The following UNC45B variants were observed in gnomAD, a reference collection of about 807,000 sequenced individuals.
UNC45B encodes the protein protein unc-45 homolog B.
UNC45B carries 78 observed loss-of-function variants against 98.7 expected under a neutral mutation model. That is an observed-to-expected ratio of 0.79 (90% CI 0.66 to 0.95). The LOEUF (loss-of-function observed/expected upper bound fraction) is 0.95. Among genes scored for constraint, UNC45B ranks in the 40% least tolerant of loss-of-function variants. UNC45B has a pLI of 0.00. For missense variants in UNC45B, 1,225 were observed against 1,184.9 expected, an observed-to-expected ratio of 1.03 and a Z score of -0.50; for synonymous variants, 462 against 480.4, an observed-to-expected ratio of 0.96 and a Z score of 0.50.
intron 14 of UNC45B, among the ~76,000 whole-genome samples, chr17:35,175,057 A>G (rs2092219533): frequency 9.4e-6 from 1 of 106,470 alleles, no homozygotes; most frequent in African/African-American, 3.5e-5. Flanking sequence ...GAAAGAAAGG[A>G]AAGAAGAAAG....
chr17:35,165,318 G>A (rs1465905939), intron 9 of UNC45B, among the ~76,000 whole-genome samples: 1 of 152,218 alleles, frequency 6.6e-6, no homozygotes, highest in Non-Finnish European at 1.5e-5. Flanking sequence ...CAGTTCCTGA[G>A]TCTCCTCACT....
chr17:35,187,305 G>A lies in UNC45B; in HGVS notation c.*746G>A, dbSNP rs1045806717. On this transcript the variant is annotated 3_prime_UTR_variant, in exon 20 of 20. Coordinates refer to ENST00000394570, the MANE Select transcript of UNC45B (RefSeq NM_001267052.2). ...CCAGAGTTTCAAATGTCATCACCAT[G>A]GATGTGTCTTTTTCTCTCTCTCATT... 2 of 152,168 alleles carry A rather than the reference G, an allele frequency of 1.3e-5. No individual in the cohort carries two copies. Among genetic ancestry groups the A allele is most frequent in the Non-Finnish European group, 2.9e-5 (2 of 68,040 alleles). 9.4% of individuals were successfully genotyped at this position (152,168 alleles called of 1,614,324 possible).
Position 35,177,028 on chromosome 17 carries a change from C to T in UNC45B, c.2037C>T (p.Pro679=), listed in dbSNP as rs148001760. The T allele has an allele frequency of 6.8e-5, 110 of 1,613,856 alleles. No individual in the cohort carries two copies. The highest frequency in any genetic ancestry group is 8.8e-5 in the Non-Finnish European group (104 of 1,179,890). The change falls in exon 16 of 20, where the codon CCC becomes CCT. Residue 679 remains proline, a synonymous_variant. Coordinates refer to ENST00000394570, the MANE Select transcript of UNC45B (RefSeq NM_001267052.2). ...VAQGGGKALI[P]LALEGTDVGK... The stretch of plus-strand genomic sequence containing the variant: ...GCCCTTTCTTGCAGGCCCTGATTCC[C>T]CTGGCTTTGGAGGGCACAGATGTGG...
chr17:35,169,026 A>T (rs897798541), intron 10 of UNC45B, among the ~76,000 whole-genome samples: 22 of 150,274 alleles, frequency 1.5e-4, no homozygotes, highest in East Asian at 6.0e-4. Flanking sequence ...TATTATTATT[A>T]TTTTTTCAGA....
chr17:35,185,802 T>C (rs1171625488), intron 19 of UNC45B, among the ~76,000 whole-genome samples: 2 of 152,176 alleles, frequency 1.3e-5, no homozygotes, highest in African/African-American at 2.4e-5. Flanking sequence ...ATATGGTTGG[T>C]AGCGTGACCA....
chr17:35,169,704 G>C, intron 10 of UNC45B, 133 bp from the exon 11 acceptor site: 1 of 730,178 alleles, frequency 1.4e-6, no homozygotes. Context: ...TTTACAGTCT[G>C]CACAGAGGTG....
At position 35,169,875 on chromosome 17, in the gene UNC45B, C is replaced by T. The variant is rs200224203; in HGVS notation, c.1491C>T (p.Tyr497=). ...TCGGCTCTGCAGGTGGCACAGACTA[C>T]GGTCTCAGGCAGTTTGCGGAAGGGT... ...CKLGSAGGTD[Y]GLRQFAEGST... is the part of the protein sequence containing the mutation. Residue 497 remains tyrosine (Y), a synonymous_variant, in exon 11 of 20, where the codon TAC becomes TAT. Coordinates refer to ENST00000394570, the MANE Select transcript of UNC45B (RefSeq NM_001267052.2). The T allele has an allele frequency of 2.8e-5, 46 of 1,614,048 alleles. No homozygotes were observed. Among genetic ancestry groups the T allele is most frequent in the African/African-American group, 4.0e-5 (3 of 74,930 alleles).
chr17:35,156,955 G>C (rs1409100445), intron 7 of UNC45B, among the ~76,000 whole-genome samples: 1 of 151,900 alleles, frequency 6.6e-6, no homozygotes, highest in Admixed American at 6.6e-5. Context: ...TTTTACATTT[G>C]TTTCCTGCAT....
intron 18 of UNC45B, among the ~76,000 whole-genome samples, chr17:35,182,091 C>CT (rs199562451): frequency 0.045 from 6,472 of 144,624 alleles, 299 homozygotes; most frequent in East Asian, 0.19. Context: ...GGGTGGCTCA[C>CT]TTTTTTTTTT....
Position 35,148,307 on chromosome 17 carries a change from GGCATT to G in UNC45B, c.45_49del (p.His16ProfsTer11), listed in dbSNP as rs772483532. On this transcript the variant is annotated frameshift_variant, in exon 2 of 20. Transcript: ENST00000394570. LOFTEE classifies it high-confidence loss of function. ...GTACAGCTGAAGGAGGAAGGAAACC[GGCATT>G]TCCAGCTCCAGGACTACAAGGCCGC... The G allele has an allele frequency of 1.9e-6, 3 of 1,614,120 alleles. No individual in the cohort carries two copies. The highest frequency in any genetic ancestry group is 2.5e-6 in the Non-Finnish European group (3 of 1,180,004).
intron 17 of UNC45B, among the ~76,000 whole-genome samples, chr17:35,178,715 A>G (rs961799744): frequency 5.8e-4 from 88 of 152,296 alleles, no homozygotes; most frequent in Admixed American, 1.9e-3. Context: ...TAATTTTTGT[A>G]TAAGGTGTAA....
rs1368707240 is a variant in UNC45B, at chr17:35,188,235, G to A, written c.*1676G>A. The A allele has an allele frequency of 1.3e-5, 2 of 152,198 alleles. No homozygotes were observed. The highest frequency in any genetic ancestry group is 3.8e-4 in the East Asian group (2 of 5,202). 9.4% of individuals were successfully genotyped at this position (152,198 alleles called of 1,614,324 possible). ...TGATAGAGAATGACAACATTCAAAA[G>A]GGTGTGGTGCTTCTGAAAATATACA... On this transcript the variant is annotated 3_prime_UTR_variant, in exon 20 of 20. Coordinates refer to ENST00000394570, the MANE Select transcript of UNC45B (RefSeq NM_001267052.2).
chr17:35,172,076 C>T (rs1335138697), intron 13 of UNC45B, among the ~76,000 whole-genome samples: 2 of 152,162 alleles, frequency 1.3e-5, no homozygotes, highest in Non-Finnish European at 2.9e-5. Flanking sequence ...ATGATTACGT[C>T]ATCTCCACAT....
In UNC45B at chr17:35,159,487, T is replaced by C. The variant is rs2142545289; in HGVS notation, c.921T>C (p.Val307=). The C allele has an allele frequency of 1.9e-6, 3 of 1,614,100 alleles. No individual in the cohort carries two copies. The highest frequency in any genetic ancestry group is 3.3e-5 in the Admixed American group (2 of 60,014). The change falls in exon 8 of 20, where the codon GTT becomes GTC. Residue 307 remains valine, a synonymous_variant. Coordinates refer to ENST00000394570, the MANE Select transcript of UNC45B (RefSeq NM_001267052.2). ...DQALNLLNKN[V]PRKDLAIHDN... ...CGCTGAACCTGCTCAATAAGAATGT[T>C]CCCAGGAAGGACCTTGCCATTCATG...
Position 35,148,507 on chromosome 17 carries a change from G to A in UNC45B, c.168+76G>A. The A allele has an allele frequency of 3.3e-6, 5 of 1,504,278 alleles. 1 individual carries two copies. In the South Asian group the frequency reaches 6.4e-5, roughly 19 times the overall value. The allele number at this position is 1,504,278 out of a possible 1,614,324, so 93.2% of individuals were successfully genotyped here. A position where few individuals can be genotyped will look rare whatever the true frequency, so the allele number is the denominator to read the frequency against. On this transcript the variant is annotated intron_variant, in intron 2 of 19. Coordinates refer to ENST00000394570, the MANE Select transcript of UNC45B (RefSeq NM_001267052.2). ...GGCTGAGTGGCAGCCCCTTCACCCT[G>A]ATAGAAATTGCCCTTCATCCCAGCC...
At chr17:35,156,099 A>G (rs956300503) in intron 7 of UNC45B, among the ~76,000 whole-genome samples, 1 of 152,218 alleles carries the variant, frequency 6.6e-6, no homozygotes, top group Non-Finnish European at 1.5e-5. Flanking sequence ...CCAGCCACAA[A>G]AAGACAAATA....
rs143612410 is a variant in UNC45B, at chr17:35,164,130, G to A, written c.1115G>A (p.Arg372His). ...GATGACCTGCGCTGTGACCCGGAGCGCGATCACTTCCGCAAGATCTGTGAG... is the reference window on the plus strand; with the variant it reads ...GATGACCTGCGCTGTGACCCGGAGCACGATCACTTCCGCAAGATCTGTGAG... Reference protein sequence around the residue: ...LYDDLRCDPERDHFRKICEEY... With the variant: ...LYDDLRCDPEHDHFRKICEEY... Residue 372 changes from arginine to histidine, a missense_variant, in exon 9 of 20, where the codon CGC (arginine) becomes CAC (histidine). Transcript: ENST00000394570. The A allele has an allele frequency of 1.1e-4, 175 of 1,613,412 alleles. 3 individuals carry two copies. In the South Asian group the frequency reaches 1.6e-3, roughly 14 times the overall value.
At chr17:35,164,540 G>A (rs2092124952) in intron 9 of UNC45B, 2 of 163,478 alleles carry the variant, frequency 1.2e-5, no homozygotes, top group East Asian at 3.5e-4. Flanking sequence ...CAGTAAGAGA[G>A]CCAAGACAGA....
chr17:35,151,623 A>G (rs895971514), intron 4 of UNC45B, among the ~76,000 whole-genome samples: 1 of 152,176 alleles, frequency 6.6e-6, no homozygotes, highest in African/African-American at 2.4e-5. Context: ...TAAGAGCCAT[A>G]AGGTAATTGA....
Sources: allele counts gnomAD v4.1 joint callset (sites outside exome capture counted in the v4.1 genomes callset), GRCh38; gene constraint gnomAD v4.1.1; transcripts MANE v1.5; gene names NCBI Gene and HGNC (gene_info 2026-07-23, HGNC 2026-07-21).